ASH1L: variants seen among roughly 807,000 people sequenced by gnomAD.
ASH1L encodes the protein histone-lysine N-methyltransferase ASH1L.
Under a neutral mutation model 269.0 loss-of-function variants are expected in ASH1L, and 23 were observed. The ratio of observed to expected loss-of-function variants is 0.09; its 90% CI spans 0.06 to 0.12. The LOEUF (loss-of-function observed/expected upper bound fraction) is 0.12. Among genes scored for constraint, ASH1L ranks in the 10% least tolerant of loss-of-function variants. The probability of loss-of-function intolerance (pLI) is 1.00; values close to 1 mark genes in which losing one functional copy is unlikely to be tolerated. For missense variants in ASH1L, 2,912 were observed against 3,567.8 expected, an observed-to-expected ratio of 0.82 and a Z score of 4.68; for synonymous variants, 1,187 against 1,253.5, an observed-to-expected ratio of 0.95 and a Z score of 1.12.
chr1:155,506,434 C>T (rs1214628708), intron 2 of ASH1L, among the ~76,000 whole-genome samples: 2 of 152,158 alleles, frequency 1.3e-5, no homozygotes, highest in Non-Finnish European at 2.9e-5. Context: ...CGGTGGCTCA[C>T]GCCTGTAATC....
intron 3 of ASH1L, among the ~76,000 whole-genome samples, chr1:155,475,606 C>G (rs1665479596): frequency 6.6e-6 from 1 of 152,148 alleles, no homozygotes; most frequent in Non-Finnish European, 1.5e-5. Flanking sequence ...GCTTATCACT[C>G]TATGGTTTGT....
Position 155,370,773 on chromosome 1 carries a change from G to A in ASH1L, c.6539+4C>T, listed in dbSNP as rs768742660. ...TATTAGAGTATCATCATTTACCACCGTACCTGAACTCCTGTTCACTGACGA... is the reference window on the plus strand; with the variant it reads ...TATTAGAGTATCATCATTTACCACCATACCTGAACTCCTGTTCACTGACGA... On this transcript the variant is annotated splice_donor_region_variant and intron_variant, in intron 11 of 27. Transcript: ENST00000392403. 26 of 1,613,804 alleles carry A rather than the reference G, an allele frequency of 1.6e-5. No individual in the cohort carries two copies. The highest frequency in any genetic ancestry group is 6.7e-5 in the African/African-American group (5 of 74,864).
intron 6 of ASH1L, among the ~76,000 whole-genome samples, chr1:155,413,389 T>A (rs1187588545): frequency 6.6e-6 from 1 of 152,150 alleles, no homozygotes; most frequent in Admixed American, 6.6e-5. Flanking sequence ...GCGGATCACC[T>A]GAGGTCAGGA....
chr1:155,474,947 C>G (rs1665420217), intron 3 of ASH1L, among the ~76,000 whole-genome samples: 1 of 152,164 alleles, frequency 6.6e-6, no homozygotes, highest in Non-Finnish European at 1.5e-5. Flanking sequence ...AAAATGCAAA[C>G]CTAAAATCAA....
intron 1 of ASH1L, among the ~76,000 whole-genome samples, chr1:155,523,593 G>C (rs113137618): frequency 6.6e-6 from 1 of 152,170 alleles, no homozygotes; most frequent in African/African-American, 2.4e-5. Flanking sequence ...GGTACTGGCC[G>C]GGTATGGTGT....
intron 1 of ASH1L, among the ~76,000 whole-genome samples, chr1:155,544,274 A>T (rs1329613036): frequency 6.6e-6 from 1 of 150,794 alleles, no homozygotes; most frequent in Non-Finnish European, 1.5e-5. Flanking sequence ...TCTATAACCT[A>T]TGGTGGAGAA....
At chr1:155,363,880 C>T (rs537146375) in intron 12 of ASH1L, among the ~76,000 whole-genome samples, 8 of 151,248 alleles carry the variant, frequency 5.3e-5, no homozygotes, top group Admixed American at 2.0e-4. Context: ...GGCTGAGGCA[C>T]GAGAATCGCT....
chr1:155,481,733 A>G lies in ASH1L; in HGVS notation c.1137T>C (p.Thr379=), dbSNP rs1345785886. 1.9e-6 allele frequency: 3 copies of G among 1,614,212 alleles called. No individual in the cohort carries two copies. Among genetic ancestry groups the G allele is most frequent in the Non-Finnish European group, 2.5e-6 (3 of 1,180,030 alleles). ...CACAGTCCTTGGCCACTAGGCCAAC[A>G]GTAGAACCCAATTTCTTTCCCAAAT... ...NKDLGKKLGS[T]VGLVAKDCAK... is the part of the protein sequence containing the mutation. Residue 379 remains threonine, a synonymous_variant, in exon 3 of 28, where the codon ACT becomes ACC. Transcript: ENST00000392403.
At position 155,482,278 on chromosome 1, in the gene ASH1L, CAAGAAGAG is replaced by C; in HGVS notation, c.584_591del (p.Thr195ArgfsTer2). The C allele has an allele frequency of 2.5e-6, 4 of 1,614,108 alleles. No homozygotes were observed. The highest frequency in any genetic ancestry group is 3.4e-6 in the Non-Finnish European group (4 of 1,179,984). On this transcript the variant is annotated frameshift_variant, in exon 3 of 28. Coordinates refer to ENST00000392403, the MANE Select transcript of ASH1L (RefSeq NM_018489.3). LOFTEE classifies it high-confidence loss of function. The stretch of plus-strand genomic sequence containing the variant: ...TCCTTTAAATCAGGATCCCGGCTAC[CAAGAAGAG>C]TAGATGGCGTTGCATTAATATAATC...
chr1:155,364,286 T>C (rs916362523), intron 12 of ASH1L, among the ~76,000 whole-genome samples: 3 of 152,128 alleles, frequency 2.0e-5, no homozygotes, highest in African/African-American at 7.2e-5. Context: ...GAAAAAGATA[T>C]CTTCTAGTTG....
intron 2 of ASH1L, among the ~76,000 whole-genome samples, chr1:155,483,851 T>C (rs556865595): frequency 2.6e-5 from 4 of 152,184 alleles, no homozygotes; most frequent in African/African-American, 7.2e-5. Flanking sequence ...GAGATATCAA[T>C]ATAGTGCTAT....
chr1:155,356,656 A>AC (rs1025808111), intron 15 of ASH1L, among the ~76,000 whole-genome samples: 5 of 151,802 alleles, frequency 3.3e-5, no homozygotes, highest in African/African-American at 1.2e-4. Context: ...AAAAAAAAAA[A>AC]AACAACAAAA....
intron 3 of ASH1L, among the ~76,000 whole-genome samples, chr1:155,474,533 T>C (rs1665378295): frequency 6.6e-6 from 1 of 152,020 alleles, no homozygotes; most frequent in Admixed American, 6.6e-5. Flanking sequence ...ACCCCATCTC[T>C]ACAAAAATAC....
At chr1:155,447,136 G>A (rs774665399) in intron 4 of ASH1L, among the ~76,000 whole-genome samples, 3 of 152,134 alleles carry the variant, frequency 2.0e-5, no homozygotes, top group Non-Finnish European at 4.4e-5. Context: ...CAATCTTAGG[G>A]AGGAAGCTTT....
rs894162203 is a variant in ASH1L at position 155,489,835 on chromosome 1, T to TAAATA, written c.421-7387_421-7386insTATTT. 9.4e-3 allele frequency among the ~76,000 whole-genome samples: 1,413 copies of TAAATA among 150,726 alleles called. 24 individuals are homozygous for TAAATA. Among genetic ancestry groups the TAAATA allele is most frequent in the African/African-American group, 0.033 (1,357 of 41,254 alleles). On this transcript the variant is annotated intron_variant, in intron 2 of 27. Transcript: ENST00000392403. Reference sequence around the variant, plus strand: ...ATAAATAAATAAATAAATAAATAAATAACAATATGGTAAACATCCAATTGC... The same window carrying TAAATA: ...ATAAATAAATAAATAAATAAATAAATAAATAAACAATATGGTAAACATCCAATTGC...
At chr1:155,376,281 G>A (rs1406157393) in intron 10 of ASH1L, among the ~76,000 whole-genome samples, 1 of 152,196 alleles carries the variant, frequency 6.6e-6, no homozygotes, top group African/African-American at 2.4e-5. Context: ...CAACTGGCAT[G>A]CTGAAGCAGG....
intron 4 of ASH1L, among the ~76,000 whole-genome samples, chr1:155,452,598 C>T (rs1373647237): frequency 6.6e-6 from 1 of 150,472 alleles, no homozygotes; most frequent in Non-Finnish European, 1.5e-5. Context: ...GCTCTGTTGC[C>T]CAGGCTGGAG....
rs530383113 is a variant in ASH1L at position 155,529,306 on chromosome 1, C to T, written c.-99-7688G>A. The stretch of plus-strand genomic sequence containing the variant: ...TGGCTTAACTAATTTACACTCCCAC[C>T]AATAGTGTATAAGCACTCCTTTCTC... On this transcript the variant is annotated intron_variant, in intron 1 of 27. Transcript: ENST00000392403. Among the ~76,000 whole-genome samples, 5 of 151,758 alleles carry T rather than the reference C, an allele frequency of 3.3e-5. No homozygotes were observed. The South Asian group carries it at 8.3e-4, about 25-fold the overall frequency.
chr1:155,532,905 A>G (rs982371368), intron 1 of ASH1L, among the ~76,000 whole-genome samples: 1 of 148,430 alleles, frequency 6.7e-6, no homozygotes, highest in African/African-American at 2.5e-5. Flanking sequence ...ATGTATGTAT[A>G]TGTATGTATG....
Sources: allele counts gnomAD v4.1 joint callset (sites outside exome capture counted in the v4.1 genomes callset), GRCh38; gene constraint gnomAD v4.1.1; transcripts MANE v1.5; gene names NCBI Gene and HGNC (gene_info 2026-07-23, HGNC 2026-07-21).